The following DNM1L variants were observed in gnomAD, a reference collection of about 807,000 sequenced individuals.
The protein encoded by DNM1L is dynamin-1-like protein.
DNM1L carries 33 observed loss-of-function variants against 92.8 expected under a neutral mutation model. The ratio of observed to expected loss-of-function variants is 0.36; its 90% CI spans 0.27 to 0.48. DNM1L has a LOEUF of 0.48. DNM1L is among the 20% of genes least tolerant of loss of function. DNM1L has a pLI of 0.99. For missense variants in DNM1L, 485 were observed against 888.8 expected (o/e 0.55, Z 5.78); for synonymous variants, 284 against 305.0 (o/e 0.93, Z 0.72).
intron 2 of DNM1L, among the ~76,000 whole-genome samples, chr12:32,704,647 A>G (rs1009129448): frequency 3.3e-5 from 5 of 152,134 alleles, no homozygotes; most frequent in East Asian, 1.9e-4. Flanking sequence ...TAAGTAACCT[A>G]TTTGTAAAAG....
At chr12:32,728,680 G>A (rs2137500011) in intron 9 of DNM1L, 1 of 152,334 alleles carries the variant, frequency 6.6e-6, no homozygotes, top group Non-Finnish European at 1.5e-5. Flanking sequence ...GGGCATTTTA[G>A]GCTTGGCAAC....
intron 2 of DNM1L, chr12:32,705,854 C>T (rs1490327287): frequency 6.3e-7 from 1 of 1,597,972 alleles, no homozygotes; most frequent in Admixed American, 1.7e-5. Context: ...CTCAAGACAC[C>T]TTTCTAAAGG....
chr12:32,705,217 G>A (rs1159005339), intron 2 of DNM1L, among the ~76,000 whole-genome samples: 1 of 151,868 alleles, frequency 6.6e-6, no homozygotes, highest in East Asian at 1.9e-4. Context: ...TGGCCAGGCT[G>A]GTCTTGAACT....
chr12:32,740,501 A>T lies in DNM1L; in HGVS notation c.1977A>T (p.Arg659Ser), dbSNP rs776581804. 10 of 1,613,082 alleles carry T rather than the reference A, an allele frequency of 6.2e-6. No homozygotes were observed. In the Admixed American group the frequency reaches 1.7e-4, roughly 27 times the overall value. ...TTAAATCATATTTTCTCATTGTCAG[A>T]AAGAATATTCAAGACAGGTTAGTAT... ...RLIKSYFLIV[R>S]KNIQDSVPKA... Residue 659 changes from arginine (R) to serine (S), a missense_variant, in exon 18 of 20, where the codon AGA becomes AGT. Physicochemically the swap from Arg to Ser is moderately radical, Grantham distance 110. Transcript: ENST00000549701.
chr12:32,703,221 T>C (rs1008926738), intron 2 of DNM1L, among the ~76,000 whole-genome samples: 5 of 152,154 alleles, frequency 3.3e-5, no homozygotes, highest in Non-Finnish European at 5.9e-5. Flanking sequence ...AGCTCTTTGG[T>C]ATCTCTTTGT....
At position 32,679,482 on chromosome 12, in the gene DNM1L, G is replaced by A; in HGVS notation, c.102+17G>A. ...GGAACGCAGGTGAGAGCAGCAGGCG[G>A]CGTTCGCTCGGGCCAGACCCCGGCC... On this transcript the variant is annotated intron_variant, in intron 1 of 19. Coordinates refer to ENST00000549701, the MANE Select transcript of DNM1L (RefSeq NM_012062.5). 6.2e-7 allele frequency: 1 copy of A among 1,604,554 alleles called. No homozygotes were observed. The highest frequency in any genetic ancestry group is 8.5e-7 in the Non-Finnish European group (1 of 1,175,856).
At chr12:32,692,703 G>C (rs1952280296) in intron 1 of DNM1L, 2 of 152,260 alleles carry the variant, frequency 1.3e-5, no homozygotes, top group African/African-American at 4.8e-5. Context: ...ACTCCACACA[G>C]AACTAGTCAC....
chr12:32,681,604 G>A (rs1435942624), intron 1 of DNM1L, among the ~76,000 whole-genome samples: 1 of 6,552 alleles, frequency 1.5e-4, no homozygotes, highest in Non-Finnish European at 3.3e-4. Flanking sequence ...CCGCCCCCCC[G>A]CCCCCGCCTT....
Position 32,744,880 on chromosome 12 carries a change from G to T in DNM1L, c.*1470G>T. On this transcript the variant is annotated 3_prime_UTR_variant, in exon 20 of 20. Transcript: ENST00000549701. ...ACGACTATATTATAAATTTTAAGAT[G>T]TACTTAGAAATCCTTAAGACATCTA... The T allele has an allele frequency of 2.0e-6, 1 of 505,412 alleles. No homozygotes were observed. The highest frequency in any genetic ancestry group is 1.4e-5 in the South Asian group (1 of 69,010). The allele number at this position is 505,412 out of a possible 1,614,324, so 31.3% of individuals were successfully genotyped here.
At chr12:32,693,212 G>C (rs1952298608) in intron 1 of DNM1L, among the ~76,000 whole-genome samples, 1 of 152,078 alleles carries the variant, frequency 6.6e-6, no homozygotes, top group African/African-American at 2.4e-5. Flanking sequence ...CCTCATTGTG[G>C]TTTCTATTGC....
rs778937479 is a variant in DNM1L, at chr12:32,731,148, G to A, written c.1200+14G>A. ...AGAAATGCTACTGTGAGTATGTTTA[G>A]CTTTTTAGACTGTAAAAAAAAATGA... On this transcript the variant is annotated intron_variant, in intron 10 of 19. Coordinates refer to ENST00000549701, the MANE Select transcript of DNM1L (RefSeq NM_012062.5). This position sits in a 1 kb window ranked among gnomAD's most constrained non-coding sequence, Gnocchi z 5.1. The A allele has an allele frequency of 2.5e-6, 4 of 1,613,752 alleles. No individual in the cohort carries two copies. Among genetic ancestry groups the A allele is most frequent in the Non-Finnish European group, 3.4e-6 (4 of 1,179,922 alleles).
At chr12:32,735,574 T>A (rs1169560124) in intron 13 of DNM1L, among the ~76,000 whole-genome samples, 1 of 152,150 alleles carries the variant, frequency 6.6e-6, no homozygotes, top group East Asian at 1.9e-4. Flanking sequence ...TCAAAAAAAA[T>A]TATTACACAT....
At chr12:32,708,798 G>C (rs1338811508) in intron 4 of DNM1L, among the ~76,000 whole-genome samples, 1 of 151,944 alleles carries the variant, frequency 6.6e-6, no homozygotes, top group Non-Finnish European at 1.5e-5. Context: ...TGTTAATCTT[G>C]ACACTAGGTA....
At chr12:32,717,946 T>C (rs1441179075) in intron 6 of DNM1L, among the ~76,000 whole-genome samples, 7 of 95,168 alleles carry the variant, frequency 7.4e-5, no homozygotes, top group African/African-American at 3.2e-4. Context: ...ATATATAAAA[T>C]ATAGTATATA....
Position 32,731,899 on chromosome 12 carries a change from G to C in DNM1L, c.1402G>C (p.Val468Leu). Residue 468 changes from valine (V) to leucine (L), a missense_variant, in exon 12 of 20, where the codon GTG (valine) becomes CTG (leucine). Transcript: ENST00000549701. The surrounding 1 kb of genome is among the most constrained non-coding windows in gnomAD (Gnocchi z 5.1). ...ACTTCATGATGCCATAGTTGAAGTGGTGACTTGTCTTCTTCGTAAAAGGTT... is the reference window on the plus strand; with the variant it reads ...ACTTCATGATGCCATAGTTGAAGTGCTGACTTGTCTTCTTCGTAAAAGGTT... ...PKLHDAIVEV[V>L]TCLLRKRLPV... 6.2e-7 allele frequency: 1 copy of C among 1,614,050 alleles called. No individual in the cohort carries two copies. The highest frequency in any genetic ancestry group is 8.5e-7 in the Non-Finnish European group (1 of 1,179,964).
intron 4 of DNM1L, 118 bp from the exon 5 acceptor site, chr12:32,710,811 A>T (rs917492866): frequency 8.1e-6 from 7 of 868,330 alleles, no homozygotes; most frequent in Middle Eastern, 3.5e-4. Flanking sequence ...GTTAAAAAAA[A>T]GTTTTAGGAA....
At position 32,708,137 on chromosome 12, in the gene DNM1L, T is replaced by A; in HGVS notation, c.298-16T>A. On this transcript the variant is annotated splice_polypyrimidine_tract_variant and intron_variant, in intron 3 of 19. Transcript: ENST00000549701. ...TTATTTTGAATATTATGCTTTTTTA[T>A]TTCAAAAATTTTTAGCTTTACACGG... 1 of 1,529,654 alleles carries A rather than the reference T, an allele frequency of 6.5e-7. No homozygotes were observed. The highest frequency in any genetic ancestry group is 1.1e-5 in the South Asian group (1 of 88,502). The allele number at this position is 1,529,654 out of a possible 1,614,324, so 94.8% of individuals were successfully genotyped here. A position where few individuals can be genotyped will look rare whatever the true frequency, so the allele number is the denominator to read the frequency against.
In DNM1L at chr12:32,718,738, C is replaced by T; in HGVS notation, c.715C>T (p.Leu239Phe). ...VLMGRVIPVK[L>F]GIIGVVNRSQ... ...GATGGGAAGGGTTATTCCAGTCAAA[C>T]TTGGAATAATTGGAGTAGTTAACAG... The change falls in exon 7 of 20, where the codon CTT becomes TTT. Residue 239 changes from leucine to phenylalanine, a missense_variant. This residue lies in a region of DNM1L where 159 missense variants were observed against 275.9 expected (regional missense o/e 0.58). Transcript: ENST00000549701. 1 of 1,613,696 alleles carries T rather than the reference C, an allele frequency of 6.2e-7. No individual in the cohort carries two copies. The highest frequency in any genetic ancestry group is 8.5e-7 in the Non-Finnish European group (1 of 1,179,820).
At chr12:32,717,503 A>G (rs1953513997) in intron 6 of DNM1L, among the ~76,000 whole-genome samples, 1 of 115,326 alleles carries the variant, frequency 8.7e-6, no homozygotes, top group African/African-American at 3.4e-5. Flanking sequence ...GTATATATAT[A>G]TATTTTAGAC....
Sources: gnomAD v4.1 joint callset for allele counts (sites outside exome capture counted in the v4.1 genomes callset) on GRCh38, gnomAD v4.1.1 for gene constraint, gnomAD v4.1.1 regional missense constraint, Gnocchi (gnomAD v3.1) non-coding constraint, MANE v1.5 for transcripts, NCBI Gene and HGNC (gene_info 2026-07-23, HGNC 2026-07-21) for gene names.